Variants in GLIS3 observed in about 807,000 individuals in gnomAD.
The protein encoded by GLIS3 is GLIS family zinc finger 3.
GLIS3 carries 53 observed loss-of-function variants against 78.6 expected under a neutral mutation model. The ratio of observed to expected loss-of-function variants is 0.67; its 90% CI spans 0.54 to 0.85. The LOEUF (loss-of-function observed/expected upper bound fraction) is 0.85. Among genes scored for constraint, GLIS3 ranks in the 40% least tolerant of loss-of-function variants. The pLI, the probability that GLIS3 is intolerant of heterozygous loss-of-function variation, is 0.00. For missense variants in GLIS3, 1,703 were observed against 1,231.1 expected, an observed-to-expected ratio of 1.38 and a Z score of -5.74; for synonymous variants, 684 against 509.9, an observed-to-expected ratio of 1.34 and a Z score of -4.60.
rs536310101 is a variant in GLIS3 at position 4,277,098 on chromosome 9, T to C, written c.388+8940A>G. Among the ~76,000 whole-genome samples the C allele has an allele frequency of 4.9e-4, 74 of 152,268 alleles. 1 individual carries two copies. Among genetic ancestry groups the C allele is most frequent in the African/African-American group, 1.8e-3 (73 of 41,568 alleles). On this transcript the variant is annotated intron_variant, in intron 2 of 10. Coordinates refer to ENST00000381971, the MANE Select transcript of GLIS3 (RefSeq NM_001042413.2). ...ATATATTAACTGCATCTCTTCAAAA[T>C]TGCGGGACCCCAATCTCCACTATTA...
the GLIS3 span, among the ~76,000 whole-genome samples, chr9:4,400,490 C>A: frequency 6.6e-6 from 1 of 152,166 alleles, no homozygotes; most frequent in African/African-American, 2.4e-5. Flanking sequence ...CAAGCCATAA[C>A]CTTTGTTCCT....
chr9:4,390,766 C>T, the GLIS3 span, among the ~76,000 whole-genome samples: 2 of 152,180 alleles, frequency 1.3e-5, no homozygotes, highest in African/African-American at 4.8e-5. Flanking sequence ...TACAATGGGG[C>T]TACCTCTCCT....
intron 4 of GLIS3, among the ~76,000 whole-genome samples, chr9:4,030,227 T>C (rs560140128): frequency 6.6e-6 from 1 of 152,356 alleles, no homozygotes; most frequent in Non-Finnish European, 1.5e-5. Context: ...ATATGCCTGT[T>C]TGCCATTTGT....
At chr9:3,953,432 A>C (rs1376635815) in intron 4 of GLIS3, among the ~76,000 whole-genome samples, 3 of 152,174 alleles carry the variant, frequency 2.0e-5, no homozygotes, top group African/African-American at 7.2e-5. Context: ...GGATAGACTA[A>C]AATGGGCTGA....
the GLIS3 span, among the ~76,000 whole-genome samples, chr9:4,393,857 A>G: frequency 2.6e-5 from 4 of 152,204 alleles, no homozygotes; most frequent in Non-Finnish European, 5.9e-5. Flanking sequence ...ACATGTAAGA[A>G]GGGCTCTGTT....
At chr9:4,488,795 G>A in the GLIS3 span, among the ~76,000 whole-genome samples, 109,542 of 152,176 alleles carry the variant, frequency 0.72, 39,555 homozygotes, top group East Asian at 0.9. Context: ...TGGAATTACA[G>A]GTGTGAGCCA....
chr9:4,270,821 C>A (rs1053038693), intron 2 of GLIS3, among the ~76,000 whole-genome samples: 5 of 152,110 alleles, frequency 3.3e-5, no homozygotes, highest in Non-Finnish European at 7.4e-5. Context: ...GATGGTAAGA[C>A]TTCTCAGCCT....
intron 9 of GLIS3, among the ~76,000 whole-genome samples, chr9:3,842,689 T>C (rs181183110): frequency 1.6e-3 from 238 of 152,340 alleles, no homozygotes; most frequent in African/African-American, 5.5e-3. Context: ...ATTCCTGAGC[T>C]CTACGGCCGA....
chr9:4,477,279 C>T, the GLIS3 span, among the ~76,000 whole-genome samples: 4 of 148,924 alleles, frequency 2.7e-5, no homozygotes, highest in Non-Finnish European at 4.4e-5. Context: ...TGAACCTAAA[C>T]GACATGATGC....
chr9:4,181,149 G>C (rs1029451063), intron 2 of GLIS3, among the ~76,000 whole-genome samples: 3 of 152,216 alleles, frequency 2.0e-5, no homozygotes, highest in African/African-American at 7.2e-5. Flanking sequence ...GTAATGAGAA[G>C]GGCTTCAGGC....
chr9:4,403,424 T>C, the GLIS3 span, among the ~76,000 whole-genome samples: 1 of 152,126 alleles, frequency 6.6e-6, no homozygotes, highest in Non-Finnish European at 1.5e-5. Context: ...AATATGACAC[T>C]GTAATGGTGG....
intron 2 of GLIS3, among the ~76,000 whole-genome samples, chr9:4,198,459 C>T (rs1353184113): frequency 1.3e-5 from 2 of 151,962 alleles, no homozygotes; most frequent in African/African-American, 2.4e-5. Context: ...GAAGGAATTT[C>T]AGAGCTTAAA....
At chr9:4,053,420 C>T (rs1163668837) in intron 4 of GLIS3, among the ~76,000 whole-genome samples, 2 of 152,076 alleles carry the variant, frequency 1.3e-5, no homozygotes, top group South Asian at 2.1e-4. Flanking sequence ...TTGCTGACAT[C>T]ATTGTTTCAA....
chr9:4,189,642 G>T (rs1818144356), intron 2 of GLIS3, among the ~76,000 whole-genome samples: 1 of 152,100 alleles, frequency 6.6e-6, no homozygotes, highest in Admixed American at 6.6e-5. Flanking sequence ...TCTCTTTGTA[G>T]GTCACTCAGG....
chr9:4,136,188 CT>C (rs1341127225), intron 2 of GLIS3, among the ~76,000 whole-genome samples: 30 of 152,188 alleles, frequency 2.0e-4, no homozygotes, highest in Admixed American at 2.0e-3. Flanking sequence ...CTCACAACCT[CT>C]GAAGAGATAA....
chr9:4,069,974 G>C (rs1241581377), intron 4 of GLIS3, among the ~76,000 whole-genome samples: 1 of 152,090 alleles, frequency 6.6e-6, no homozygotes, highest in African/African-American at 2.4e-5. Flanking sequence ...TCAGAGGCCA[G>C]GAGAGACCCA....
At chr9:4,434,600 A>G in the GLIS3 span, among the ~76,000 whole-genome samples, 1 of 152,140 alleles carries the variant, frequency 6.6e-6, no homozygotes, top group Non-Finnish European at 1.5e-5. Flanking sequence ...GGGTGAGTGG[A>G]TGGATGAATG....
chr9:4,455,172 A>G, the GLIS3 span, among the ~76,000 whole-genome samples: 1 of 152,228 alleles, frequency 6.6e-6, no homozygotes, highest in South Asian at 2.1e-4. Context: ...GGCATATTGT[A>G]AAGTTACTAT....
the GLIS3 span, among the ~76,000 whole-genome samples, chr9:4,412,827 A>C: frequency 6.6e-6 from 1 of 152,096 alleles, no homozygotes. Flanking sequence ...ATAAAAACTT[A>C]CCAAATGAAC....
Sources: gnomAD v4.1 joint callset for allele counts (sites outside exome capture counted in the v4.1 genomes callset) on GRCh38, gnomAD v4.1.1 for gene constraint, MANE v1.5 for transcripts, NCBI Gene and HGNC (gene_info 2026-07-23, HGNC 2026-07-21) for gene names.